The following SLC38A11 variants were observed in gnomAD, a reference collection of about 807,000 sequenced individuals.
The protein encoded by SLC38A11 is solute carrier family 38 member 11.
In SLC38A11, 51 loss-of-function variants were observed where a neutral mutation model predicts 49.4. The ratio of observed to expected loss-of-function variants is 1.03; its 90% confidence interval spans 0.83 to 1.30. The LOEUF (loss-of-function observed/expected upper bound fraction) is 1.30. Among genes scored for constraint, SLC38A11 ranks in the 50% most tolerant of loss-of-function variants. The pLI is 0.00. For synonymous variants in SLC38A11, 203 were observed against 192.9 expected, an observed-to-expected ratio of 1.05 and a Z score of -0.43; for missense variants, 574 against 556.2, an observed-to-expected ratio of 1.03 and a Z score of -0.32.
At chr2:164,939,981 T>G (rs1221200414) in intron 5 of SLC38A11, among the ~76,000 whole-genome samples, 2 of 135,664 alleles carry the variant, frequency 1.5e-5, no homozygotes, top group Non-Finnish European at 3.1e-5. Context: ...AGGAGGATGA[T>G]GCATTTTCTA....
chr2:164,894,973 A>C lies in SLC38A11; in HGVS notation c.*3464T>G, dbSNP rs1397010234. ...TTATGTCCAACTTCCAGCCTTTTTC[A>C]AACGTGGTCCCTGAACCAGCAGCAG... On this transcript the variant is annotated 3_prime_UTR_variant, in exon 12 of 12. Transcript: ENST00000685975. 6.6e-6 allele frequency among the ~76,000 whole-genome samples: 1 copy of C among 152,066 alleles called. No individual in the cohort carries two copies. The highest frequency in any genetic ancestry group is 2.4e-5 in the African/African-American group (1 of 41,402).
chr2:164,907,270 CTTTTTTT>C (rs60527900), intron 11 of SLC38A11, among the ~76,000 whole-genome samples: 2 of 97,916 alleles, frequency 2.0e-5, no homozygotes, highest in Non-Finnish European at 3.8e-5. Context: ...CTTCTTTTCT[CTTTTTTT>C]TTTTTTTTTT....
intron 9 of SLC38A11, chr2:164,912,321 G>T (rs1412171067): frequency 2.0e-5 from 3 of 152,006 alleles, no homozygotes; most frequent in African/African-American, 7.2e-5. Flanking sequence ...TAGATTTGCT[G>T]CCAATTTGTA....
At chr2:164,923,432 AAAG>A (rs1297787613) in intron 7 of SLC38A11, among the ~76,000 whole-genome samples, 3 of 152,212 alleles carry the variant, frequency 2.0e-5, no homozygotes, top group Admixed American at 1.3e-4. Context: ...ACATTTCCCA[AAAG>A]AAGAAGACAA....
At chr2:164,952,417 C>T (rs1257840311) in intron 3 of SLC38A11, among the ~76,000 whole-genome samples, 1 of 152,152 alleles carries the variant, frequency 6.6e-6, no homozygotes, top group African/African-American at 2.4e-5. Flanking sequence ...CTTAATGAAG[C>T]TTTAAAATGA....
At chr2:164,904,836 A>G (rs1314579090) in intron 11 of SLC38A11, among the ~76,000 whole-genome samples, 1 of 152,176 alleles carries the variant, frequency 6.6e-6, no homozygotes, top group Admixed American at 6.5e-5. Context: ...AAGAAAGTGG[A>G]TAGAGAAATG....
At chr2:164,902,112 T>G (rs1264662215) in intron 11 of SLC38A11, among the ~76,000 whole-genome samples, 1 of 151,562 alleles carries the variant, frequency 6.6e-6, no homozygotes, top group Non-Finnish European at 1.5e-5. Flanking sequence ...CAGTTCAGCT[T>G]TGATCTCCCA....
chr2:164,923,863 G>T (rs1319821914), intron 7 of SLC38A11, among the ~76,000 whole-genome samples: 1 of 152,020 alleles, frequency 6.6e-6, no homozygotes, highest in Non-Finnish European at 1.5e-5. Context: ...ATACACTATT[G>T]GTGGGAATGT....
At chr2:164,917,771 A>T (rs916303738) in intron 7 of SLC38A11, among the ~76,000 whole-genome samples, 4 of 152,076 alleles carry the variant, frequency 2.6e-5, no homozygotes, top group Non-Finnish European at 4.4e-5. Flanking sequence ...TTTAAATCTT[A>T]TATTAGTAAT....
chr2:164,915,759 T>C (rs1011482545), intron 8 of SLC38A11, 144 bp downstream of exon 8: 14 of 607,294 alleles, frequency 2.3e-5, no homozygotes, highest in South Asian at 1.4e-4. Flanking sequence ...TAATTTTATA[T>C]TGGCACAAAC....
In SLC38A11 at chr2:164,944,643, A is replaced by T. The variant is rs1385299845; in HGVS notation, c.365-9T>A. ...ATTGTAACTTATCATTGCTAAAAAC[A>T]TAATTAAAATAAGAGTCATCAATAA... On this transcript the variant is annotated splice_polypyrimidine_tract_variant and intron_variant, in intron 4 of 11. Coordinates refer to ENST00000685975, the MANE Select transcript of SLC38A11 (RefSeq NM_001351537.2). 2 of 1,146,962 alleles carry T rather than the reference A, an allele frequency of 1.7e-6. No individual in the cohort carries two copies. The highest frequency in any genetic ancestry group is 3.2e-5 in the African/African-American group (2 of 62,850). The allele number at this position is 1,146,962 out of a possible 1,614,324, so 71.0% of individuals were successfully genotyped here. A position where few individuals can be genotyped will look rare whatever the true frequency, so the allele number is the denominator to read the frequency against.
At chr2:164,902,728 T>A (rs990601863) in intron 11 of SLC38A11, among the ~76,000 whole-genome samples, 7 of 152,260 alleles carry the variant, frequency 4.6e-5, no homozygotes, top group Admixed American at 1.3e-4. Context: ...TACAAAGCAA[T>A]CTCTCCATAC....
rs1684395013 is a variant in SLC38A11, at chr2:164,897,332, A to G, written c.*1105T>C. ...AACTCATCCTTCTCCAGATGCTCAC[A>G]TTAAATGACTGATGGAGGCAGCAGT... On this transcript the variant is annotated 3_prime_UTR_variant, in exon 12 of 12. Coordinates refer to ENST00000685975, the MANE Select transcript of SLC38A11 (RefSeq NM_001351537.2). 6.6e-6 allele frequency: 1 copy of G among 152,248 alleles called. No homozygotes were observed. Among genetic ancestry groups the G allele is most frequent in the Non-Finnish European group, 1.5e-5 (1 of 68,094 alleles). 9.4% of individuals were successfully genotyped at this position (152,248 alleles called of 1,614,324 possible).
chr2:164,895,019 T>A lies in SLC38A11; in HGVS notation c.*3418A>T, dbSNP rs138750896. Among the ~76,000 whole-genome samples the A allele has an allele frequency of 4.1e-3, 618 of 152,284 alleles. 1 individual carries two copies. Among genetic ancestry groups the A allele is most frequent in the African/African-American group, 0.013 (535 of 41,568 alleles). On this transcript the variant is annotated 3_prime_UTR_variant, in exon 12 of 12. Coordinates refer to ENST00000685975, the MANE Select transcript of SLC38A11 (RefSeq NM_001351537.2). The stretch of plus-strand genomic sequence containing the variant: ...AGCAGCAGCATCACCTGGGAACTTT[T>A]CAGAAATAGAAATTCTGAGGCCCCA...
Position 164,898,625 on chromosome 2 carries a change from T to C in SLC38A11, c.1201A>G (p.Met401Val), listed in dbSNP as rs142178695. 3.2e-5 allele frequency: 52 copies of C among 1,613,444 alleles called. No homozygotes were observed. The highest frequency in any genetic ancestry group is 3.5e-5 in the Non-Finnish European group (41 of 1,179,732). ...ATCACCACAGCACCAATGGGAAGCA[T>C]GACACAAGACATAATCTTATCGGAG... ...THSDKIMSCV[M>V]LPIGAVVMVF... Residue 401 changes from methionine to valine, a missense_variant, in exon 12 of 12, where the codon ATG (methionine) becomes GTG (valine). Coordinates refer to ENST00000685975, the MANE Select transcript of SLC38A11 (RefSeq NM_001351537.2).
chr2:164,920,678 G>A (rs1686131297), intron 7 of SLC38A11, among the ~76,000 whole-genome samples: 1 of 152,090 alleles, frequency 6.6e-6, no homozygotes, highest in Admixed American at 6.6e-5. Flanking sequence ...CCCTGTGTGT[G>A]CAGGACTCAG....
At chr2:164,943,088 A>G (rs1022648634) in intron 5 of SLC38A11, among the ~76,000 whole-genome samples, 4 of 152,198 alleles carry the variant, frequency 2.6e-5, no homozygotes, top group African/African-American at 9.7e-5. Flanking sequence ...AAGCACTAAG[A>G]GGAAAGGTGT....
intron 7 of SLC38A11, among the ~76,000 whole-genome samples, chr2:164,923,587 A>G (rs781752004): frequency 4.9e-4 from 74 of 152,098 alleles, no homozygotes; most frequent in Admixed American, 1.2e-3. Context: ...CAAACAAAAA[A>G]CAGATGCTTC....
intron 3 of SLC38A11, 105 bp downstream of exon 3, chr2:164,952,602 A>T: frequency 1.2e-6 from 1 of 807,830 alleles, no homozygotes. Flanking sequence ...TGCACTTTTT[A>T]ATTAACTAGG....
Sources: allele counts gnomAD v4.1 joint callset (sites outside exome capture counted in the v4.1 genomes callset), GRCh38; gene constraint gnomAD v4.1.1; transcripts MANE v1.5; gene names NCBI Gene and HGNC (gene_info 2026-07-23, HGNC 2026-07-21).